The following SLC17A6 variants were observed in gnomAD, a reference collection of about 807,000 sequenced individuals.
SLC17A6 encodes solute carrier family 17 member 6.
SLC17A6 carries 35 observed loss-of-function variants against 67.1 expected under a neutral mutation model. The observed-to-expected ratio is 0.52, with a 90% CI of 0.40 to 0.69. SLC17A6 has a LOEUF of 0.69. Among genes scored for constraint, SLC17A6 ranks in the 30% least tolerant of loss-of-function variants. The pLI is 0.00. For missense variants in SLC17A6, 588 were observed against 723.9 expected (o/e 0.81, Z 2.15); for synonymous variants, 285 against 252.3 (o/e 1.13, Z -1.23).
chr11:22,377,060 T>G (rs1299258117), intron 11 of SLC17A6, among the ~76,000 whole-genome samples: 1 of 152,120 alleles, frequency 6.6e-6, no homozygotes, highest in African/African-American at 2.4e-5. Context: ...TATATGTGTA[T>G]GCAGAGCTTT....
At chr11:22,375,866 A>G (rs1856227170) in intron 9 of SLC17A6, 116 bp from the exon 10 acceptor site, 3 of 598,020 alleles carry the variant, frequency 5.0e-6, no homozygotes, top group Non-Finnish European at 5.9e-6. Context: ...AGTTTTGAAG[A>G]TAGACTCTCT....
Position 22,359,486 on chromosome 11 carries a change from G to A in SLC17A6, c.532G>A (p.Gly178Arg). The A allele has an allele frequency of 1.2e-6, 2 of 1,607,050 alleles. No homozygotes were observed. Among genetic ancestry groups the A allele is most frequent in the Non-Finnish European group, 1.7e-6 (2 of 1,176,322 alleles). Residue 178 changes from glycine to arginine, a missense_variant, in exon 4 of 12, where the codon GGA (glycine) becomes AGA (arginine). Physicochemically the swap from Gly to Arg is moderately radical, Grantham distance 125. Coordinates refer to ENST00000263160, the MANE Select transcript of SLC17A6 (RefSeq NM_020346.3). Reference sequence around the variant, plus strand: ...TCCATCAGCAGCCAGAGTGCATTATGGATGTGTCATCTTTGTCAGAATACT... The same window carrying A: ...TCCATCAGCAGCCAGAGTGCATTATAGATGTGTCATCTTTGTCAGAATACT... ...LIPSAARVHYGCVIFVRILQG... is the reference protein window; with the variant it reads ...LIPSAARVHYRCVIFVRILQG...
intron 3 of SLC17A6, among the ~76,000 whole-genome samples, chr11:22,353,338 C>T (rs1855962798): frequency 6.6e-6 from 1 of 151,852 alleles, no homozygotes; most frequent in Non-Finnish European, 1.5e-5. Flanking sequence ...TGGATTTTCA[C>T]AGTGTAACCA....
chr11:22,343,080 G>T, intron 2 of SLC17A6, 167 bp from the exon 3 acceptor site: 1 of 701,610 alleles, frequency 1.4e-6, no homozygotes, highest in Non-Finnish European at 2.5e-6. Context: ...GGGTTTTTTC[G>T]TTGCAAGAGG....
At position 22,377,728 on chromosome 11, in the gene SLC17A6, T is replaced by G; in HGVS notation, c.1737T>G (p.Val579=). 1 of 1,565,270 alleles carries G rather than the reference T, an allele frequency of 6.4e-7. No individual in the cohort carries two copies. The highest frequency in any genetic ancestry group is 1.2e-5 in the South Asian group (1 of 83,188). The stretch of plus-strand genomic sequence containing the variant: ...ACTCACATAGCTATAAGGACCGAGT[T>G]GATTATTCATAACAAAACTAATTAC... ...VQDSHSYKDR[V]DYS is the part of the protein sequence containing the mutation. The change falls in exon 12 of 12, where the codon GTT becomes GTG. Residue 579 remains valine, a synonymous_variant. Transcript: ENST00000263160.
chr11:22,350,799 A>G (rs1339687322), intron 3 of SLC17A6, among the ~76,000 whole-genome samples: 1 of 152,170 alleles, frequency 6.6e-6, no homozygotes, highest in Non-Finnish European at 1.5e-5. Context: ...ACTGCTTGAG[A>G]TTCATCTTAC....
In SLC17A6 at chr11:22,379,283, TG is replaced by T. The variant is rs1856270046; in HGVS notation, c.*1544del. The stretch of plus-strand genomic sequence containing the variant: ...TGATCTGTTCAATGTACTGTGCTAG[TG>T]ACTGGAGGCCCTGCTACTGCAAATA... On this transcript the variant is annotated 3_prime_UTR_variant, in exon 12 of 12. Coordinates refer to ENST00000263160, the MANE Select transcript of SLC17A6 (RefSeq NM_020346.3). 1 of 152,450 alleles carries T rather than the reference TG, an allele frequency of 6.6e-6. No individual in the cohort carries two copies. Among genetic ancestry groups the T allele is most frequent in the African/African-American group, 2.4e-5 (1 of 41,416 alleles). The allele number at this position is 152,450 out of a possible 1,614,324, so 9.4% of individuals were successfully genotyped here.
chr11:22,341,514 GC>G lies in SLC17A6; in HGVS notation c.87-13del. The stretch of plus-strand genomic sequence containing the variant: ...GCCGCCAAGTCCTTGACTCGCCCCT[GC>G]TCTGCCGCGCAGGGTGCTGGAGAAG... On this transcript the variant is annotated splice_polypyrimidine_tract_variant and intron_variant, in intron 1 of 11. Transcript: ENST00000263160. 1 of 1,611,482 alleles carries G rather than the reference GC, an allele frequency of 6.2e-7. No homozygotes were observed. The highest frequency in any genetic ancestry group is 8.5e-7 in the Non-Finnish European group (1 of 1,178,964).
intron 10 of SLC17A6, 66 bp downstream of exon 10, chr11:22,376,158 T>C (rs1856230546): frequency 9.2e-6 from 9 of 979,622 alleles, no homozygotes; most frequent in Non-Finnish European, 1.3e-5. Flanking sequence ...AAAAGACACA[T>C]ACATATACCT....
intron 3 of SLC17A6, among the ~76,000 whole-genome samples, chr11:22,343,910 G>A (rs1855847945): frequency 6.6e-6 from 1 of 152,234 alleles, no homozygotes; most frequent in African/African-American, 2.4e-5. Flanking sequence ...AGCTGCGTAG[G>A]GGCGGGCGTT....
At chr11:22,343,221 C>T (rs1855839466) in intron 2 of SLC17A6, 26 bp from the exon 3 acceptor site, 1 of 1,582,770 alleles carries the variant, frequency 6.3e-7, no homozygotes, top group Non-Finnish European at 8.7e-7. Context: ...TCTTTCCCTT[C>T]ACACTTTTTT....
At chr11:22,355,091 T>C (rs772217446) in intron 3 of SLC17A6, among the ~76,000 whole-genome samples, 1 of 152,176 alleles carries the variant, frequency 6.6e-6, no homozygotes, top group Non-Finnish European at 1.5e-5. Flanking sequence ...TTCTGGTTGT[T>C]TTACTTCAAA....
intron 5 of SLC17A6, chr11:22,362,384 C>G (rs747836691): frequency 3.0e-6 from 1 of 336,632 alleles, no homozygotes; most frequent in Non-Finnish European, 5.8e-6. Context: ...TGCTTGAGGT[C>G]GCAAGAATAG....
chr11:22,366,071 TC>T (rs1564984905), intron 7 of SLC17A6, among the ~76,000 whole-genome samples: 1 of 151,980 alleles, frequency 6.6e-6, no homozygotes, highest in African/African-American at 2.4e-5. Flanking sequence ...AATACAGTAG[TC>T]CCCCCGCATC....
intron 8 of SLC17A6, among the ~76,000 whole-genome samples, chr11:22,370,497 C>CT (rs1856163200): frequency 6.6e-6 from 1 of 152,046 alleles, no homozygotes; most frequent in African/African-American, 2.4e-5. Flanking sequence ...ACATAACTCC[C>CT]TTTAAGTCTC....
intron 7 of SLC17A6, among the ~76,000 whole-genome samples, chr11:22,367,238 T>C (rs1049805755): frequency 6.6e-6 from 1 of 151,910 alleles, no homozygotes; most frequent in African/African-American, 2.4e-5. Flanking sequence ...ATTCTCTACT[T>C]CATTTGTAAG....
chr11:22,356,934 T>TA (rs1855998404), intron 3 of SLC17A6, among the ~76,000 whole-genome samples: 1 of 152,236 alleles, frequency 6.6e-6, no homozygotes, highest in Non-Finnish European at 1.5e-5. Flanking sequence ...ACATTAAAAG[T>TA]AATCTTTTGG....
At chr11:22,350,364 T>C (rs1357798219) in intron 3 of SLC17A6, among the ~76,000 whole-genome samples, 6 of 152,104 alleles carry the variant, frequency 3.9e-5, no homozygotes, top group Non-Finnish European at 7.4e-5. Flanking sequence ...AGTGTATGTG[T>C]GTGTGACAAG....
intron 5 of SLC17A6, chr11:22,361,426 T>A (rs1219441945): frequency 1.3e-5 from 2 of 152,278 alleles, no homozygotes; most frequent in African/African-American, 4.8e-5. Flanking sequence ...TGCCTGGGGT[T>A]AAAATCTAAC....
Sources: allele counts gnomAD v4.1 joint callset (sites outside exome capture counted in the v4.1 genomes callset), GRCh38; gene constraint gnomAD v4.1.1; transcripts MANE v1.5; gene names NCBI Gene and HGNC (gene_info 2026-07-23, HGNC 2026-07-21).